The following PFKFB3 variants were observed in gnomAD, a reference collection of about 807,000 sequenced individuals.
PFKFB3 encodes the protein 6-phosphofructo-2-kinase/fructose-2,6-biphosphatase 3.
Under a neutral mutation model 68.0 loss-of-function variants are expected in PFKFB3, and 33 were observed. That is an observed-to-expected ratio of 0.49 (90% CI 0.37 to 0.65). PFKFB3 has a LOEUF of 0.65. PFKFB3 is among the 30% of genes least tolerant of loss of function. The pLI is 0.00. For synonymous variants in PFKFB3, 315 were observed against 288.2 expected (o/e 1.09, Z -0.94); for missense variants, 586 against 712.2 (o/e 0.82, Z 2.02).
At chr10:6,271,227 T>A in the PFKFB3 span, among the ~76,000 whole-genome samples, 1 of 152,258 alleles carries the variant, frequency 6.6e-6, no homozygotes, top group South Asian at 2.1e-4. Context: ...CAAGCTCCTG[T>A]GCATTGTAAA....
the PFKFB3 span, among the ~76,000 whole-genome samples, chr10:6,323,911 T>C: frequency 8.4e-3 from 1,284 of 152,280 alleles, 20 homozygotes; most frequent in African/African-American, 0.03. Context: ...TCTGGGCATA[T>C]ACCCCAAAGT....
chr10:6,288,193 C>CTT, the PFKFB3 span, among the ~76,000 whole-genome samples: 18 of 133,386 alleles, frequency 1.3e-4, no homozygotes, highest in African/African-American at 4.3e-4. Flanking sequence ...TGGCTTCTTT[C>CTT]TTTTTTTTTT....
chr10:6,208,107 C>T (rs1054259730), intron 1 of PFKFB3, among the ~76,000 whole-genome samples: 3 of 152,162 alleles, frequency 2.0e-5, no homozygotes. Context: ...GACAGGGTCT[C>T]ACTGTCACCC....
chr10:6,258,169 T>G (rs1310646847), downstream of PFKFB3, among the ~76,000 whole-genome samples: 2 of 152,174 alleles, frequency 1.3e-5, no homozygotes, highest in Non-Finnish European at 2.9e-5. Context: ...CTGAGCAGCA[T>G]ATATATTTTG....
chr10:6,260,222 G>A, the PFKFB3 span, among the ~76,000 whole-genome samples: 1 of 151,878 alleles, frequency 6.6e-6, no homozygotes, highest in Non-Finnish European at 1.5e-5. Context: ...GACCATCCTG[G>A]CTAACACGTG....
intron 1 of PFKFB3, among the ~76,000 whole-genome samples, chr10:6,186,135 CTA>C (rs1304585903): frequency 2.0e-5 from 3 of 152,212 alleles, no homozygotes; most frequent in African/African-American, 2.4e-5. Flanking sequence ...AGAAATAAAA[CTA>C]TTTTGTTTTT....
chr10:6,321,116 G>A, the PFKFB3 span, among the ~76,000 whole-genome samples: 1 of 152,020 alleles, frequency 6.6e-6, no homozygotes, highest in Non-Finnish European at 1.5e-5. Flanking sequence ...TCTTCTCAAA[G>A]CCTTCCCTCT....
rs1247071075 is a variant in PFKFB3 at position 6,235,028 on chromosome 10, C to T, written c.*2086C>T. 5 of 84,804 alleles carry T rather than the reference C, an allele frequency of 5.9e-5. No homozygotes were observed. Among genetic ancestry groups the T allele is most frequent in the Admixed American group, 1.3e-4 (1 of 7,510 alleles). 5.3% of individuals were successfully genotyped at this position (84,804 alleles called of 1,614,324 possible). ...GGGGACATTGGACGGGGGCCGGGGG[C>T]GGGGGTTGGGTTTGAGCTACAGTCA... On this transcript the variant is annotated 3_prime_UTR_variant, in exon 15 of 15. Transcript: ENST00000379775.
At chr10:6,192,269 C>A (rs1205773858) in intron 1 of PFKFB3, among the ~76,000 whole-genome samples, 1 of 151,906 alleles carries the variant, frequency 6.6e-6, no homozygotes, top group African/African-American at 2.4e-5. Flanking sequence ...CTCATATGAA[C>A]CCTACACATT....
At chr10:6,290,972 T>C in the PFKFB3 span, among the ~76,000 whole-genome samples, 1 of 152,208 alleles carries the variant, frequency 6.6e-6, no homozygotes, top group Non-Finnish European at 1.5e-5. Context: ...TTTTTTTCTG[T>C]GTGGTATTCC....
downstream of PFKFB3, among the ~76,000 whole-genome samples, chr10:6,257,613 A>T (rs903392572): frequency 4.6e-5 from 7 of 152,182 alleles, no homozygotes; most frequent in Admixed American, 2.6e-4. Flanking sequence ...AAAACATTAC[A>T]GTCCACTAAT....
chr10:6,226,512 G>A (rs567287720), intron 14 of PFKFB3, 147 bp downstream of exon 14: 71 of 694,220 alleles, frequency 1.0e-4, no homozygotes, highest in South Asian at 7.6e-4. Context: ...GTCTGTGCAC[G>A]TGTGTTGTGG....
At chr10:6,294,152 T>G in the PFKFB3 span, 1 of 507,330 alleles carries the variant, frequency 2.0e-6, no homozygotes, top group Non-Finnish European at 4.0e-6. Flanking sequence ...AACTCAGGCC[T>G]ATGTGTTGAG....
At chr10:6,145,079 G>A (rs1841332621) in intron 1 of PFKFB3, 2 of 1,242,684 alleles carry the variant, frequency 1.6e-6, no homozygotes, top group Non-Finnish European at 2.0e-6. Flanking sequence ...CCGCCTGTGG[G>A]TACCCGAGCC....
the PFKFB3 span, among the ~76,000 whole-genome samples, chr10:6,309,409 G>A: frequency 6.6e-6 from 1 of 152,186 alleles, no homozygotes; most frequent in Admixed American, 6.5e-5. Context: ...GGAGGCAGAG[G>A]TCAGGAGTTT....
rs201889586 is a variant in PFKFB3 at position 6,215,313 on chromosome 10, C to T, written c.295C>T (p.Arg99Trp). ...CGACAATGAGGAAGCCATGAAAGTC[C>T]GGAAGTAAGGCTGGGCCGCGGGCGT... is the stretch of plus-strand genomic sequence containing the variant. ...RPDNEEAMKV[R>W]KQCALAALRD... The change falls in exon 3 of 15, where the codon CGG becomes TGG. Residue 99 changes from arginine to tryptophan, a missense_variant. Physicochemically the swap from Arg to Trp is moderately radical, Grantham distance 101. Transcript: ENST00000379775. This position sits in a 1 kb window ranked among gnomAD's most constrained non-coding sequence, Gnocchi z 4.3. 1.1e-5 allele frequency: 18 copies of T among 1,613,360 alleles called. No homozygotes were observed. The highest frequency in any genetic ancestry group is 1.4e-5 in the Non-Finnish European group (17 of 1,179,520).
At position 6,241,061 on chromosome 10, in the gene PFKFB3, T is replaced by A. The variant is rs561950481; in HGVS notation, c.1516-13117T>A. Among the ~76,000 whole-genome samples the A allele has an allele frequency of 1.2e-3, 184 of 152,186 alleles. 2 individuals are homozygous for A. Among genetic ancestry groups the A allele is most frequent in the African/African-American group, 4.3e-3 (179 of 41,530 alleles). ...CTGGGATTACAGGTGCACACCACCA[T>A]GCCTGGTTAATTTTTTTGTATTTTT... On this transcript the variant is annotated intron_variant, in intron 14 of 14. Transcript: ENST00000640683.
At chr10:6,218,794 C>T (rs1350175436) in intron 6 of PFKFB3, among the ~76,000 whole-genome samples, 5 of 152,150 alleles carry the variant, frequency 3.3e-5, no homozygotes, top group Admixed American at 6.5e-5. Context: ...GTTGGGCAAC[C>T]GCCACACTCT....
the PFKFB3 span, among the ~76,000 whole-genome samples, chr10:6,270,589 A>G: frequency 6.6e-6 from 1 of 152,208 alleles, no homozygotes; most frequent in Middle Eastern, 3.4e-3. Flanking sequence ...CCTCCCATGT[A>G]ACACCTTTGT....
Sources: allele counts gnomAD v4.1 joint callset (sites outside exome capture counted in the v4.1 genomes callset), GRCh38; gene constraint gnomAD v4.1.1; non-coding constraint Gnocchi (gnomAD v3.1); transcripts MANE v1.5; gene names NCBI Gene and HGNC (gene_info 2026-07-23, HGNC 2026-07-21).